DNAH14: variants seen among roughly 807,000 people sequenced by gnomAD.
DNAH14 encodes the protein dynein axonemal heavy chain 14, also known as axonemal beta dynein heavy chain 14.
Under a neutral mutation model 520.9 loss-of-function variants are expected in DNAH14, and 478 were observed. The ratio of observed to expected loss-of-function variants is 0.92; its 90% CI spans 0.85 to 0.99. DNAH14 has a LOEUF of 0.99. Ranked by LOEUF, DNAH14 falls within the 50% of genes least tolerant of loss-of-function variation. The pLI is 0.00. For missense variants in DNAH14, 4,831 were observed against 5,234.5 expected (o/e 0.92, Z 2.38); for synonymous variants, 1,581 against 1,757.2 (o/e 0.90, Z 2.51).
chr1:225,020,801 A>G (rs546159874), intron 10 of DNAH14, among the ~76,000 whole-genome samples: 160 of 152,314 alleles, frequency 1.1e-3, no homozygotes, highest in African/African-American at 3.4e-3. Flanking sequence ...ACTCCTCCGT[A>G]ACTTATTTTA....
At chr1:225,077,098 C>T (rs978958705) in intron 17 of DNAH14, among the ~76,000 whole-genome samples, 8 of 152,116 alleles carry the variant, frequency 5.3e-5, no homozygotes, top group Non-Finnish European at 8.8e-5. Flanking sequence ...AAAATACTTT[C>T]TATTTTTAGT....
chr1:225,184,991 G>C (rs2084511042), intron 36 of DNAH14, among the ~76,000 whole-genome samples: 1 of 151,858 alleles, frequency 6.6e-6, no homozygotes, highest in Non-Finnish European at 1.5e-5. Context: ...TTTGCTGATG[G>C]TATGACTCTG....
intron 37 of DNAH14, among the ~76,000 whole-genome samples, chr1:225,188,480 A>G (rs1053171390): frequency 6.6e-6 from 1 of 151,964 alleles, no homozygotes; most frequent in Non-Finnish European, 1.5e-5. Flanking sequence ...AAACTTTATC[A>G]CAAGTATGTA....
In DNAH14 at chr1:225,259,250, C is replaced by G. The variant is rs2092847840; in HGVS notation, c.7154C>G (p.Ser2385Ter). The G allele has an allele frequency of 2.0e-6, 3 of 1,475,238 alleles. No individual in the cohort carries two copies. The East Asian group carries it at 7.9e-5, about 39-fold the overall frequency. 91.4% of individuals were successfully genotyped at this position (1,475,238 alleles called of 1,614,324 possible). A position where few individuals can be genotyped will look rare whatever the true frequency, so the allele number is the denominator to read the frequency against. Residue 2385 changes from serine (S) to a stop codon, truncating the protein, a stop_gained, in exon 46 of 86, where the codon TCA becomes TGA. Coordinates refer to ENST00000682510, the MANE Select transcript of DNAH14 (RefSeq NM_001367479.1). LOFTEE classifies it high-confidence loss of function. ...CTATTATATAGTGAAATAAAAAAATCAAGGTTGTATATACTAACTTCTAAA... is the reference window on the plus strand; with the variant it reads ...CTATTATATAGTGAAATAAAAAAATGAAGGTTGTATATACTAACTTCTAAA... The part of the protein sequence containing the change: ...DTLLYSEIKK[S>*]SSLKQNITIL...
chr1:224,989,716 A>C (rs1489232534), intron 8 of DNAH14, among the ~76,000 whole-genome samples: 1 of 152,136 alleles, frequency 6.6e-6, no homozygotes, highest in African/African-American at 2.4e-5. Context: ...CTCTTTGTCA[A>C]GTTGAGGCAG....
intron 42 of DNAH14, among the ~76,000 whole-genome samples, chr1:225,237,414 T>G (rs762333455): frequency 6.6e-6 from 1 of 152,226 alleles, no homozygotes; most frequent in African/African-American, 2.4e-5. Flanking sequence ...GGTTGTAAAC[T>G]CTAGGAATGT....
intron 18 of DNAH14, among the ~76,000 whole-genome samples, chr1:225,079,917 C>G (rs1320015417): frequency 6.6e-6 from 1 of 152,054 alleles, no homozygotes; most frequent in African/African-American, 2.4e-5. Flanking sequence ...TCGTGATCCA[C>G]TCGCCTCAGC....
chr1:225,331,797 C>T (rs1187231430), intron 65 of DNAH14, among the ~76,000 whole-genome samples: 2 of 152,192 alleles, frequency 1.3e-5, no homozygotes, highest in East Asian at 3.8e-4. Flanking sequence ...ACGTTATCTC[C>T]TGTTCTGAAG....
chr1:225,137,254 C>T (rs1435800104), intron 27 of DNAH14, among the ~76,000 whole-genome samples: 4 of 152,180 alleles, frequency 2.6e-5, no homozygotes, highest in African/African-American at 9.7e-5. Context: ...TTTATTCCTT[C>T]TCATCTTTGT....
intron 11 of DNAH14, among the ~76,000 whole-genome samples, chr1:225,027,050 G>A (rs574776463): frequency 5.3e-5 from 8 of 151,130 alleles, no homozygotes; most frequent in Admixed American, 1.3e-4. Flanking sequence ...TTTATTTTTC[G>A]GTTGTTCATT....
chr1:225,230,216 A>G lies in DNAH14; in HGVS notation c.6440-857A>G, dbSNP rs140885323. On this transcript the variant is annotated intron_variant, in intron 41 of 85. Coordinates refer to ENST00000682510, the MANE Select transcript of DNAH14 (RefSeq NM_001367479.1). ...AACAACAATTATTTGAATCCCAACAATGGATGAATGGCTTAATAAATTATG... is the reference window on the plus strand; with the variant it reads ...AACAACAATTATTTGAATCCCAACAGTGGATGAATGGCTTAATAAATTATG... Among the ~76,000 whole-genome samples, 842 of 152,286 alleles carry G rather than the reference A, an allele frequency of 5.5e-3. 11 individuals are homozygous for G. Among genetic ancestry groups the G allele is most frequent in the African/African-American group, 0.019 (801 of 41,568 alleles).
At chr1:225,050,097 C>A in intron 15 of DNAH14, 113 bp from the exon 16 acceptor site, 2 of 853,530 alleles carry the variant, frequency 2.3e-6, no homozygotes, top group Non-Finnish European at 3.4e-6. Flanking sequence ...TATTGTCTAA[C>A]CCTCATAATA....
rs1175352360 is a variant in DNAH14 at position 225,047,120 on chromosome 1, A to G, written c.1913-3090A>G. Among the ~76,000 whole-genome samples the G allele has an allele frequency of 4.6e-5, 7 of 152,184 alleles. No individual in the cohort carries two copies. In the East Asian group the frequency reaches 1.3e-3, roughly 29 times the overall value. Reference sequence around the variant, plus strand: ...CTACCAGAGAAAATATCTAGAAAATATATGTATGTATGCTAGCTCATGCAT... The same window carrying G: ...CTACCAGAGAAAATATCTAGAAAATGTATGTATGTATGCTAGCTCATGCAT... On this transcript the variant is annotated intron_variant, in intron 15 of 85. Transcript: ENST00000682510.
At position 225,258,119 on chromosome 1, in the gene DNAH14, G is replaced by A. The variant is rs2092805759; in HGVS notation, c.7024+1G>A. The A allele has an allele frequency of 6.7e-7, 1 of 1,491,950 alleles. No individual in the cohort carries two copies. The highest frequency in any genetic ancestry group is 1.3e-5 in the South Asian group (1 of 74,336). 92.4% of individuals were successfully genotyped at this position (1,491,950 alleles called of 1,614,324 possible). ...AATTCCTGCCCTGTACTTCTCACAGGTATTACAAATATTTAATAGAAGGAG... is the reference window on the plus strand; with the variant it reads ...AATTCCTGCCCTGTACTTCTCACAGATATTACAAATATTTAATAGAAGGAG... On this transcript the variant is annotated splice_donor_variant, in intron 45 of 85. Transcript: ENST00000682510. LOFTEE classifies it high-confidence loss of function.
chr1:225,337,572 T>C (rs2095083042), intron 67 of DNAH14, 76 bp downstream of exon 67: 2 of 1,167,544 alleles, frequency 1.7e-6, no homozygotes, highest in Non-Finnish European at 2.5e-6. Context: ...AGGCTAAAAG[T>C]TTTCAGTGAC....
chr1:225,083,126 C>T (rs2073335136), intron 20 of DNAH14, among the ~76,000 whole-genome samples: 1 of 152,008 alleles, frequency 6.6e-6, no homozygotes, highest in South Asian at 2.1e-4. Context: ...CCTACCTTAA[C>T]ATATATATAA....
intron 35 of DNAH14, 43 bp from the exon 36 acceptor site, chr1:225,167,896 C>T (rs1400593806): frequency 1.8e-6 from 2 of 1,139,150 alleles, no homozygotes. Context: ...TTAAGAGTTT[C>T]ATTTGCAATG....
chr1:225,080,096 T>G (rs1298300712), intron 18 of DNAH14, among the ~76,000 whole-genome samples: 1 of 152,186 alleles, frequency 6.6e-6, no homozygotes, highest in African/African-American at 2.4e-5. Flanking sequence ...TTTTCTCAAC[T>G]ATGAATGAAT....
rs750400913 is a variant in DNAH14, at chr1:225,305,005, A to T, written c.8921A>T (p.Tyr2974Phe). The T allele has an allele frequency of 6.5e-7, 1 of 1,547,188 alleles. No homozygotes were observed. Among genetic ancestry groups the T allele is most frequent in the Non-Finnish European group, 8.7e-7 (1 of 1,146,034 alleles). The change falls in exon 58 of 86, where the codon TAT becomes TTT. Residue 2974 changes from tyrosine to phenylalanine, a missense_variant. Tyr to Phe is a conservative substitution (Grantham distance 22, BLOSUM62 3). Transcript: ENST00000682510. Reference sequence around the variant, plus strand: ...TTTGAAGAAACTGGAAGATTTTATTATACCACTCCCAATAGCTACTTGCAA... The same window carrying T: ...TTTGAAGAAACTGGAAGATTTTATTTTACCACTCCCAATAGCTACTTGCAA... ...KYFEETGRFY[Y>F]TTPNSYLQFM...
Sources: allele counts gnomAD v4.1 joint callset (sites outside exome capture counted in the v4.1 genomes callset), GRCh38; gene constraint gnomAD v4.1.1; transcripts MANE v1.5; gene names NCBI Gene and HGNC (gene_info 2026-07-23, HGNC 2026-07-21).